KLHL15: variants seen among roughly 807,000 people sequenced by gnomAD.
The protein encoded by KLHL15 is kelch-like protein 15.
Under a neutral mutation model 29.3 loss-of-function variants are expected in KLHL15, and 1 was observed. The ratio of observed to expected loss-of-function variants is 0.03; its 90% CI spans 0.01 to 0.16. The LOEUF is 0.16. KLHL15 is among the 10% of genes least tolerant of loss of function. The probability of loss-of-function intolerance (pLI) is 1.00; values close to 1 mark genes in which losing one functional copy is unlikely to be tolerated. For missense variants in KLHL15, 215 were observed against 478.5 expected (o/e 0.45, Z 5.14); for synonymous variants, 212 against 184.5 (o/e 1.15, Z -1.21).
chrX:24,000,872 G>C (rs1054319552), intron 3 of KLHL15, among the ~76,000 whole-genome samples: 16 of 112,455 alleles, frequency 1.4e-4, no homozygotes, highest in African/African-American at 4.2e-4. Context: ...CAATTAACCA[G>C]AACAGCATTA....
chrX:24,026,548 T>C (rs1216616266), intron 1 of KLHL15, among the ~76,000 whole-genome samples: 1 of 110,761 alleles, frequency 9.0e-6, no homozygotes, highest in Non-Finnish European at 1.9e-5. Flanking sequence ...GATCCTAAAC[T>C]GAGGTATTTC....
In KLHL15 at chrX:23,985,228, T is replaced by C. The variant is rs1055434195; in HGVS notation, c.*2693A>G. 5.4e-5 allele frequency: 6 copies of C among 111,837 alleles called. No homozygotes were observed. The highest frequency in any genetic ancestry group is 1.1e-4 in the Non-Finnish European group (6 of 53,152). 9.2% of individuals were successfully genotyped at this position (111,837 alleles called of 1,213,427 possible). On this transcript the variant is annotated 3_prime_UTR_variant, in exon 4 of 4. Transcript: ENST00000328046. The stretch of plus-strand genomic sequence containing the variant: ...CGCATAAAGGTCATAACAGTTAAAC[T>C]GTATAGATTCAAATCTTACTGAATT...
In KLHL15 at chrX:23,984,935, G is replaced by A. The variant is rs753182056; in HGVS notation, c.*2986C>T. On this transcript the variant is annotated 3_prime_UTR_variant, in exon 4 of 4. Transcript: ENST00000328046. Reference sequence around the variant, plus strand: ...CACTCACACAGAGCAGAGTAATGAGGACACAGAAAGCTGTCTCAAGAAAAG... The same window carrying A: ...CACTCACACAGAGCAGAGTAATGAGAACACAGAAAGCTGTCTCAAGAAAAG... 1 of 112,173 alleles carries A rather than the reference G, an allele frequency of 8.9e-6. No individual in the cohort carries two copies. Among genetic ancestry groups the A allele is most frequent in the Non-Finnish European group, 1.9e-5 (1 of 53,172 alleles). The allele number at this position is 112,173 out of a possible 1,213,427, so 9.2% of individuals were successfully genotyped here.
intron 2 of KLHL15, among the ~76,000 whole-genome samples, chrX:24,008,767 A>G (rs1273067364): frequency 9.2e-6 from 1 of 108,658 alleles, no homozygotes; most frequent in African/African-American, 3.4e-5. Flanking sequence ...TTGGTCACAG[A>G]AAGTTCCCTC....
chrX:24,012,131 G>A (rs1022354148), intron 2 of KLHL15, among the ~76,000 whole-genome samples: 1 of 112,656 alleles, frequency 8.9e-6, no homozygotes, highest in Admixed American at 9.4e-5. Context: ...CTCCAGCCTG[G>A]ATGACAGAGG....
intron 3 of KLHL15, among the ~76,000 whole-genome samples, chrX:23,997,714 G>C (rs1929218379): frequency 1.3e-5 from 1 of 74,876 alleles, no homozygotes; most frequent in African/African-American, 5.5e-5. Flanking sequence ...CTGGTCAACA[G>C]AGTGAGACTC....
chrX:24,017,560 C>A (rs1273522804), intron 2 of KLHL15, among the ~76,000 whole-genome samples: 9 of 109,447 alleles, frequency 8.2e-5, no homozygotes, highest in Non-Finnish European at 1.3e-4. Flanking sequence ...ATGGGCATAT[C>A]GCTTGAGCTC....
chrX:24,022,844 CGAGTAGCTGGGAATA>C (rs1245011693), intron 2 of KLHL15, among the ~76,000 whole-genome samples: 2 of 107,706 alleles, frequency 1.9e-5, no homozygotes, highest in Non-Finnish European at 1.9e-5. Context: ...CTCAGCCTCC[CGAGTAGCTGGGAATA>C]GAGTAGCTGG....
intron 3 of KLHL15, among the ~76,000 whole-genome samples, chrX:23,990,144 T>C (rs1019119686): frequency 9.0e-6 from 1 of 110,651 alleles, no homozygotes; most frequent in Non-Finnish European, 1.9e-5. Flanking sequence ...ACAAAATTAA[T>C]AAAATAAAAT....
rs962236245 is a variant in KLHL15, at chrX:23,984,569, CAA to C, written c.*3350_*3351del. The C allele has an allele frequency of 8.9e-6, 1 of 112,117 alleles. No individual in the cohort carries two copies. The highest frequency in any genetic ancestry group is 1.9e-5 in the Non-Finnish European group (1 of 53,146). The allele number at this position is 112,117 out of a possible 1,213,427, so 9.2% of individuals were successfully genotyped here. A position where few individuals can be genotyped will look rare whatever the true frequency, so the allele number is the denominator to read the frequency against. ...TCTAAAACTTTAAATTATGAATTCT[CAA>C]AAGAGCTAGTCTCCTCTGAGAGATA... On this transcript the variant is annotated 3_prime_UTR_variant, in exon 4 of 4. Coordinates refer to ENST00000328046, the MANE Select transcript of KLHL15 (RefSeq NM_030624.3).
At chrX:24,002,653 G>T (rs1294781730) in intron 3 of KLHL15, among the ~76,000 whole-genome samples, 1 of 107,225 alleles carries the variant, frequency 9.3e-6, no homozygotes, top group Non-Finnish European at 1.9e-5. Flanking sequence ...GGGGGAACAG[G>T]TTCTCACTTT....
intron 2 of KLHL15, among the ~76,000 whole-genome samples, chrX:24,022,139 A>T (rs1168636758): frequency 9.1e-6 from 1 of 109,926 alleles, no homozygotes; most frequent in African/African-American, 3.3e-5. Flanking sequence ...AGTCGAGACC[A>T]GCCTGGCTAA....
chrX:24,019,667 G>A (rs1003643660), intron 2 of KLHL15, among the ~76,000 whole-genome samples: 8 of 108,743 alleles, frequency 7.4e-5, no homozygotes, highest in East Asian at 5.7e-4. Context: ...ACACACACAC[G>A]TGCACGCACA....
intron 2 of KLHL15, among the ~76,000 whole-genome samples, chrX:24,022,726 T>G (rs1422324315): frequency 2.7e-5 from 3 of 109,683 alleles, no homozygotes; most frequent in African/African-American, 6.6e-5. Context: ...TTCGCGGTTT[T>G]TTTTTTTTTT....
chrX:24,007,457 C>T (rs1929468603), intron 2 of KLHL15, among the ~76,000 whole-genome samples: 1 of 91,514 alleles, frequency 1.1e-5, no homozygotes, highest in African/African-American at 4.1e-5. Context: ...CATGCCACTA[C>T]ATGCCAGCCT....
At chrX:23,995,396 G>A (rs1247247896) in intron 3 of KLHL15, among the ~76,000 whole-genome samples, 8 of 73,015 alleles carry the variant, frequency 1.1e-4, no homozygotes, top group Admixed American at 7.8e-4. Context: ...AACAGAGCGA[G>A]ACTCTGTCTC....
intron 3 of KLHL15, among the ~76,000 whole-genome samples, chrX:24,000,515 C>CA (rs1289854983): frequency 1.8e-5 from 2 of 111,645 alleles, no homozygotes; most frequent in Non-Finnish European, 3.8e-5. Flanking sequence ...TCAAACACAG[C>CA]ACTGCTTATA....
intron 2 of KLHL15, among the ~76,000 whole-genome samples, chrX:24,011,690 C>G (rs983234109): frequency 9.0e-6 from 1 of 111,003 alleles, no homozygotes; most frequent in Non-Finnish European, 1.9e-5. Context: ...GTAGTCCTGG[C>G]TACTCGGGAG....
At chrX:24,012,446 A>G (rs766487933) in intron 2 of KLHL15, among the ~76,000 whole-genome samples, 1 of 110,477 alleles carries the variant, frequency 9.1e-6, no homozygotes, top group African/African-American at 3.3e-5. Flanking sequence ...CTCATTTCTC[A>G]ATCTCCTTCA....
Sources: allele counts gnomAD v4.1 joint callset (sites outside exome capture counted in the v4.1 genomes callset), GRCh38; gene constraint gnomAD v4.1.1; transcripts MANE v1.5; gene names NCBI Gene and HGNC (gene_info 2026-07-23, HGNC 2026-07-21).